Variants in SPINK6 observed in about 807,000 individuals in gnomAD.
SPINK6 encodes serine peptidase inhibitor Kazal type 6.
SPINK6 carries 13 observed loss-of-function variants against 11.7 expected under a neutral mutation model. The ratio of observed to expected loss-of-function variants is 1.11; its 90% CI spans 0.72 to 1.76. The LOEUF (loss-of-function observed/expected upper bound fraction) is 1.76. Ranked by LOEUF, SPINK6 falls within the 40% of genes most tolerant of loss-of-function variation. The pLI, the probability that SPINK6 is intolerant of heterozygous loss-of-function variation, is 0.00. For missense variants in SPINK6, 98 were observed against 93.7 expected, an observed-to-expected ratio of 1.05 and a Z score of -0.19; for synonymous variants, 21 against 31.9, an observed-to-expected ratio of 0.66 and a Z score of 1.15.
At chr5:148,210,366 ATG>A (rs1354148184) in intron 2 of SPINK6, among the ~76,000 whole-genome samples, 10 of 144,470 alleles carry the variant, frequency 6.9e-5, no homozygotes, top group Non-Finnish European at 3.1e-5. Flanking sequence ...ATATATATGT[ATG>A]TGTTTCTGCA....
At chr5:148,206,864 T>A (rs80165546) in intron 2 of SPINK6, among the ~76,000 whole-genome samples, 15 of 152,210 alleles carry the variant, frequency 9.9e-5, no homozygotes, top group African/African-American at 3.4e-4. Context: ...ACCTTTGACA[T>A]GAAAATTTCT....
upstream of SPINK6, chr5:148,202,958 T>G (rs766897652): frequency 1.9e-6 from 1 of 528,306 alleles, no homozygotes; most frequent in Non-Finnish European, 3.3e-6. Flanking sequence ...TTTTTTAATG[T>G]GTTGGCAGGC....
chr5:148,210,007 C>CATACACACGTACGAATGT (rs1554112271), intron 2 of SPINK6, among the ~76,000 whole-genome samples: 2 of 105,730 alleles, frequency 1.9e-5, no homozygotes, highest in Non-Finnish European at 3.7e-5. Flanking sequence ...CGTATGTATA[C>CATACACACGTACGAATGT]ATGTATGTAC....
At chr5:148,212,614 TTATATTATATATTA>T (rs558198501) in intron 2 of SPINK6, among the ~76,000 whole-genome samples, 1 of 102,296 alleles carries the variant, frequency 9.8e-6, no homozygotes, top group Non-Finnish European at 1.7e-5. Context: ...TAATATATAT[TTATATTATATATTA>T]TATATTATAT....
At chr5:148,209,379 T>C (rs1025696486) in intron 2 of SPINK6, among the ~76,000 whole-genome samples, 2 of 152,282 alleles carry the variant, frequency 1.3e-5, no homozygotes, top group Non-Finnish European at 2.9e-5. Flanking sequence ...TAGAGGGCCA[T>C]TGTGTAGTGA....
At chr5:148,202,934 G>A (rs560919852), upstream of SPINK6, 4 of 471,286 alleles carry the variant, frequency 8.5e-6, no homozygotes, top group African/African-American at 7.9e-5. Flanking sequence ...AGATTGATGG[G>A]GAGCATGAAG....
chr5:148,207,086 CAT>C (rs1227390320), intron 2 of SPINK6, among the ~76,000 whole-genome samples: 10 of 151,784 alleles, frequency 6.6e-5, no homozygotes, highest in South Asian at 2.1e-4. Flanking sequence ...CACATGCACA[CAT>C]GTGTGTTGGC....
intron 2 of SPINK6, among the ~76,000 whole-genome samples, chr5:148,212,759 GTA>G (rs1755629421): frequency 8.5e-6 from 1 of 117,842 alleles, no homozygotes; most frequent in Non-Finnish European, 1.6e-5. Context: ...TTTATATAAA[GTA>G]TATATTGTAT....
At position 148,210,050 on chromosome 5, in the gene SPINK6, ATATG is replaced by A. The variant is rs1286882726; in HGVS notation, c.82-3852_82-3849del. On this transcript the variant is annotated intron_variant, in intron 2 of 3. Transcript: ENST00000325630. ...CGCATGCACAAACGTATGTATGCATATATGTATGTATATGTATGTATGCATATAT... is the reference window on the plus strand; with the variant it reads ...CGCATGCACAAACGTATGTATGCATATATGTATATGTATGTATGCATATAT... 5.6e-3 allele frequency among the ~76,000 whole-genome samples: 410 copies of A among 73,546 alleles called. 10 individuals are homozygous for A. Among genetic ancestry groups the A allele is most frequent in the African/African-American group, 0.012 (364 of 30,896 alleles). The allele number at this position is 73,546 out of a possible 152,430, so 48.2% of individuals were successfully genotyped here. A position where few individuals can be genotyped will look rare whatever the true frequency, so the allele number is the denominator to read the frequency against.
rs1755555995 is a variant in SPINK6 at position 148,209,997 on chromosome 5, C to CGTAT, written c.82-3908_82-3905dup. On this transcript the variant is annotated intron_variant, in intron 2 of 3. Transcript: ENST00000325630. ...GTACGTATGTATGTATACATATACA[C>CGTAT]GTATGTATACATGTATGTACGCATG... is the stretch of plus-strand genomic sequence containing the variant. 4.6e-4 allele frequency among the ~76,000 whole-genome samples: 67 copies of CGTAT among 145,950 alleles called. 1 individual carries two copies. Among genetic ancestry groups the CGTAT allele is most frequent in the East Asian group, 1.1e-3 (5 of 4,710 alleles).
At position 148,215,124 on chromosome 5, in the gene SPINK6, A is replaced by G. The variant is rs1373485012; in HGVS notation, c.*174A>G. 1 of 563,482 alleles carries G rather than the reference A, an allele frequency of 1.8e-6. No individual in the cohort carries two copies. Among genetic ancestry groups the G allele is most frequent in the East Asian group, 2.9e-5 (1 of 34,970 alleles). The allele number at this position is 563,482 out of a possible 1,614,324, so 34.9% of individuals were successfully genotyped here. On this transcript the variant is annotated 3_prime_UTR_variant, in exon 4 of 4. Transcript: ENST00000325630. ...CTTGATTCACTTGTCAATAAAGTACATTCTGCAAAAGCATTGACTGTGTTC... is the reference window on the plus strand; with the variant it reads ...CTTGATTCACTTGTCAATAAAGTACGTTCTGCAAAAGCATTGACTGTGTTC...
chr5:148,210,261 T>C (rs1455222141), intron 2 of SPINK6, among the ~76,000 whole-genome samples: 1 of 110,566 alleles, frequency 9.0e-6, no homozygotes, highest in African/African-American at 3.5e-5. Flanking sequence ...TGCATACATA[T>C]ATATGTATGT....
chr5:148,213,791 A>C (rs1267018725), intron 2 of SPINK6, 119 bp from the exon 3 acceptor site: 1 of 603,030 alleles, frequency 1.7e-6, no homozygotes, highest in Non-Finnish European at 3.0e-6. Flanking sequence ...ATATTTCAGA[A>C]TGCTTTATGT....
intron 2 of SPINK6, among the ~76,000 whole-genome samples, chr5:148,212,744 TAC>T (rs1755628697): frequency 7.8e-6 from 1 of 129,010 alleles, no homozygotes; most frequent in African/African-American, 2.9e-5. Context: ...TATATATTTA[TAC>T]ATTTTATATA....
rs201410311 is a variant in SPINK6, at chr5:148,203,199, G to A, written c.58+45G>A. On this transcript the variant is annotated intron_variant, in intron 1 of 3. Transcript: ENST00000325630. Reference sequence around the variant, plus strand: ...TAAGATCCCATATTTATACTGAACTGGATATGATGAGTAGTTGTTTATCAT... The same window carrying A: ...TAAGATCCCATATTTATACTGAACTAGATATGATGAGTAGTTGTTTATCAT... 1.2e-3 allele frequency: 1,694 copies of A among 1,366,588 alleles called. 25 individuals carry two copies. Among genetic ancestry groups the A allele is most frequent in the Admixed American group, 7.0e-4 (34 of 48,290 alleles). The allele number at this position is 1,366,588 out of a possible 1,614,324, so 84.7% of individuals were successfully genotyped here. A position where few individuals can be genotyped will look rare whatever the true frequency, so the allele number is the denominator to read the frequency against.
At chr5:148,209,788 T>C (rs892604569) in intron 2 of SPINK6, among the ~76,000 whole-genome samples, 10 of 152,060 alleles carry the variant, frequency 6.6e-5, no homozygotes, top group Non-Finnish European at 1.3e-4. Context: ...TGGCAATGTT[T>C]CCATCTGAGG....
At chr5:148,208,038 G>A (rs1755522823) in intron 2 of SPINK6, among the ~76,000 whole-genome samples, 1 of 152,104 alleles carries the variant, frequency 6.6e-6, no homozygotes, top group Admixed American at 6.6e-5. Context: ...TAGGTAAGAG[G>A]AGGCAAACTG....
chr5:148,207,094 T>C (rs1025543058), intron 2 of SPINK6, among the ~76,000 whole-genome samples: 3 of 152,052 alleles, frequency 2.0e-5, no homozygotes, highest in Admixed American at 6.6e-5. Context: ...CACATGTGTG[T>C]TGGCATTGTC....
At chr5:148,211,950 G>T (rs78661346) in intron 2 of SPINK6, among the ~76,000 whole-genome samples, 220 of 152,198 alleles carry the variant, frequency 1.4e-3, no homozygotes, top group Middle Eastern at 3.4e-3. Context: ...TAGACAGAGA[G>T]AAAGCAAGTT....
Sources: gnomAD v4.1 joint callset for allele counts (sites outside exome capture counted in the v4.1 genomes callset) on GRCh38, gnomAD v4.1.1 for gene constraint, MANE v1.5 for transcripts, NCBI Gene and HGNC (gene_info 2026-07-23, HGNC 2026-07-21) for gene names.